ASIP: variants seen among roughly 807,000 people sequenced by gnomAD.
The protein encoded by ASIP is agouti signaling protein.
In ASIP, 11 loss-of-function variants were observed where a neutral mutation model predicts 10.3. The observed-to-expected ratio is 1.07, with a 90% CI of 0.68 to 1.78. The LOEUF is 1.78. Ranked by LOEUF, ASIP falls within the 40% of genes most tolerant of loss-of-function variation. ASIP has a pLI of 0.00. For missense variants in ASIP, 180 were observed against 169.2 expected (o/e 1.06, Z -0.35); for synonymous variants, 70 against 70.8 (o/e 0.99, Z 0.06).
chr20:34,198,102 G>A (rs1022409938), intron 1 of ASIP, among the ~76,000 whole-genome samples: 2 of 147,496 alleles, frequency 1.4e-5, no homozygotes, highest in East Asian at 2.0e-4. Context: ...CTGCCACTCA[G>A]GCTGGAGTGC....
At chr20:34,262,377 G>A (rs185076029) in intron 2 of ASIP, among the ~76,000 whole-genome samples, 90 of 152,300 alleles carry the variant, frequency 5.9e-4, no homozygotes, top group African/African-American at 2.1e-3. Context: ...TTCAAATCAG[G>A]TCCTCCTGGC....
chr20:34,249,069 C>T (rs1333314225), intron 1 of ASIP, among the ~76,000 whole-genome samples: 1 of 151,166 alleles, frequency 6.6e-6, no homozygotes, highest in African/African-American at 2.4e-5. Flanking sequence ...GCAGAGGTTA[C>T]AATGAGCTGA....
At chr20:34,239,871 A>G (rs2035261700), upstream of ASIP, among the ~76,000 whole-genome samples, 1 of 152,222 alleles carries the variant, frequency 6.6e-6, no homozygotes, top group African/African-American at 2.4e-5. Flanking sequence ...GCAGGGCCCC[A>G]TATTAACCTA....
intron 1 of ASIP, chr20:34,246,585 C>T: frequency 1.4e-6 from 1 of 726,828 alleles, no homozygotes. Context: ...CCACCTCAGC[C>T]TCCTAGGACC....
intron 1 of ASIP, among the ~76,000 whole-genome samples, chr20:34,242,008 T>C (rs1010968308): frequency 6.6e-6 from 1 of 152,282 alleles, no homozygotes; most frequent in East Asian, 1.9e-4. Context: ...CTTTTCTGAA[T>C]GGATATCCAT....
intron 3 of ASIP, among the ~76,000 whole-genome samples, chr20:34,267,082 G>A (rs1440910356): frequency 1.3e-5 from 2 of 152,064 alleles, no homozygotes; most frequent in Non-Finnish European, 2.9e-5. Context: ...ATTATTGACA[G>A]ATAAAAATAT....
chr20:34,255,663 GA>G (rs1481492859), intron 1 of ASIP, among the ~76,000 whole-genome samples: 1 of 152,094 alleles, frequency 6.6e-6, no homozygotes, highest in African/African-American at 2.4e-5. Context: ...TATAACCTAG[GA>G]AAAACCAGGC....
At chr20:34,205,209 T>C (rs1161435617) in intron 1 of ASIP, among the ~76,000 whole-genome samples, 1 of 152,194 alleles carries the variant, frequency 6.6e-6, no homozygotes, top group Non-Finnish European at 1.5e-5. Flanking sequence ...TTCCTTCTGG[T>C]GGGTTCGTGG....
At chr20:34,214,830 A>C in intron 1 of ASIP, 2 of 1,601,416 alleles carry the variant, frequency 1.2e-6, no homozygotes, top group South Asian at 2.2e-5. Flanking sequence ...ATCCAATATT[A>C]GAAGAAATAT....
intron 1 of ASIP, among the ~76,000 whole-genome samples, chr20:34,201,780 C>G (rs1487332078): frequency 6.6e-6 from 1 of 152,198 alleles, no homozygotes. Flanking sequence ...GTAGGAGATA[C>G]TGGTGACCTA....
At chr20:34,254,617 T>G (rs1346108468) in intron 1 of ASIP, among the ~76,000 whole-genome samples, 2 of 152,230 alleles carry the variant, frequency 1.3e-5, no homozygotes, top group Admixed American at 1.3e-4. Context: ...CTGCCTATTA[T>G]GAAGATCCAT....
At position 34,269,224 on chromosome 20, in the gene ASIP, G is replaced by C; in HGVS notation, c.*57G>C. ...GCTTCGGGGACGCGGGGCGCTTCTCGGGCGGGTGATCCCTAACAGGGCGGC... is the reference window on the plus strand; with the variant it reads ...GCTTCGGGGACGCGGGGCGCTTCTCCGGCGGGTGATCCCTAACAGGGCGGC... On this transcript the variant is annotated 3_prime_UTR_variant, in exon 4 of 4. Coordinates refer to ENST00000374954, the MANE Select transcript of ASIP (RefSeq NM_001672.3). The C allele has an allele frequency of 1.4e-6, 2 of 1,435,664 alleles. No individual in the cohort carries two copies. The highest frequency in any genetic ancestry group is 2.7e-5 in the Admixed American group (1 of 37,440). 88.9% of individuals were successfully genotyped at this position (1,435,664 alleles called of 1,614,324 possible). A position where few individuals can be genotyped will look rare whatever the true frequency, so the allele number is the denominator to read the frequency against.
chr20:34,255,812 A>G (rs2035557661), intron 1 of ASIP, among the ~76,000 whole-genome samples: 1 of 152,142 alleles, frequency 6.6e-6, no homozygotes, highest in Non-Finnish European at 1.5e-5. Context: ...GAAGGCACCC[A>G]TTACCTAGTG....
intron 1 of ASIP, among the ~76,000 whole-genome samples, chr20:34,259,749 TAAA>T (rs879668897): frequency 7.0e-6 from 1 of 142,786 alleles, no homozygotes. Context: ...AGACTCCATC[TAAA>T]AAAAAAAAAA....
At chr20:34,214,538 T>C in intron 1 of ASIP, 1 of 1,505,064 alleles carries the variant, frequency 6.6e-7, no homozygotes, top group Non-Finnish European at 9.2e-7. Flanking sequence ...TCAACTTCCA[T>C]GAACCGTGTA....
chr20:34,199,488 G>A (rs2034879568), intron 1 of ASIP, among the ~76,000 whole-genome samples: 1 of 152,106 alleles, frequency 6.6e-6, no homozygotes, highest in Admixed American at 6.5e-5. Context: ...GGTATTGTCT[G>A]TCTTTTACGT....
Position 34,258,685 on chromosome 20 carries a change from A to ATATATATATATATATATATATATATATG in ASIP, c.-10-1674_-10-1673insTATATATATATATATATATATGTATATA, listed in dbSNP as rs1336922136. 9.4e-5 allele frequency among the ~76,000 whole-genome samples: 7 copies of ATATATATATATATATATATATATATATG among 74,492 alleles called. 1 individual carries two copies. Among genetic ancestry groups the ATATATATATATATATATATATATATATG allele is most frequent in the African/African-American group, 6.1e-4 (7 of 11,558 alleles). 48.9% of individuals were successfully genotyped at this position (74,492 alleles called of 152,430 possible). ...TAGAAGGGGGATGCCATATATATAT[A>ATATATATATATATATATATATATATATG]TATATACATACTATATATATATATT... On this transcript the variant is annotated intron_variant, in intron 1 of 3. Transcript: ENST00000374954.
rs6579155 is a variant in ASIP at position 34,213,437 on chromosome 20, G to C, written c.-11+18677G>C. The stretch of plus-strand genomic sequence containing the variant: ...CCTGAAAAATGTGAAAGTGGCTTTG[G>C]AATTGAGTCATAGGTAGAGACTGAG... On this transcript the variant is annotated intron_variant, in intron 1 of 3. Transcript: ENST00000568305. 23,624 of 949,394 alleles carry C rather than the reference G, an allele frequency of 0.025. 3,788 individuals carry two copies. The African/African-American group carries it at 0.34, about 14-fold the overall frequency. 58.8% of individuals were successfully genotyped at this position (949,394 alleles called of 1,614,324 possible).
intron 1 of ASIP, among the ~76,000 whole-genome samples, chr20:34,195,130 G>GAAA (rs547366092): frequency 7.4e-5 from 10 of 135,568 alleles, no homozygotes; most frequent in African/African-American, 2.4e-4. Context: ...GAAGGTACCA[G>GAAA]AAAAAAAAAA....
Sources: gnomAD v4.1 joint callset for allele counts (sites outside exome capture counted in the v4.1 genomes callset) on GRCh38, gnomAD v4.1.1 for gene constraint, MANE v1.5 for transcripts, NCBI Gene and HGNC (gene_info 2026-07-23, HGNC 2026-07-21) for gene names.